PCDHA4: variants seen among roughly 807,000 people sequenced by gnomAD.
The protein encoded by PCDHA4 is protocadherin alpha-4.
Under a neutral mutation model 61.4 loss-of-function variants are expected in PCDHA4, and 49 were observed. The ratio of observed to expected loss-of-function variants is 0.80; its 90% CI spans 0.63 to 1.01. PCDHA4 has a LOEUF of 1.01. Among genes scored for constraint, PCDHA4 ranks in the 50% least tolerant of loss-of-function variants. PCDHA4 has a pLI of 0.00. For missense variants in PCDHA4, 1,254 were observed against 1,235.8 expected, an observed-to-expected ratio of 1.01 and a Z score of -0.22; for synonymous variants, 590 against 550.3, an observed-to-expected ratio of 1.07 and a Z score of -1.01.
At chr5:140,880,084 T>TAGTA (rs2058231039) in intron 1 of PCDHA4, among the ~76,000 whole-genome samples, 1 of 152,208 alleles carries the variant, frequency 6.6e-6, no homozygotes. Context: ...CAACCTATTA[T>TAGTA]AGTAGGCTTA....
At position 141,009,931 on chromosome 5, in the gene PCDHA4, C is replaced by T. The variant is rs2098415407; in HGVS notation, c.2838C>T (p.Asp946=). ...EKGNSTTDNS[D]Q ...GGAACAGCACGACTGACAACAGTGA[C>T]CAGTGAGGTCCTCAAATGGAAACAA... Residue 946 remains aspartate (D), a synonymous_variant, in exon 4 of 4, where the codon GAC becomes GAT. Transcript: ENST00000530339. The T allele has an allele frequency of 6.2e-7, 1 of 1,601,706 alleles. No individual in the cohort carries two copies. The highest frequency in any genetic ancestry group is 8.5e-7 in the Non-Finnish European group (1 of 1,175,864).
chr5:140,829,028 G>T (rs2150162015), intron 1 of PCDHA4: 1 of 1,613,544 alleles, frequency 6.2e-7, no homozygotes, highest in South Asian at 1.1e-5. Flanking sequence ...TTTTGAACAA[G>T]AAAACTTATA....
At chr5:140,869,412 C>T (rs1164802929) in intron 1 of PCDHA4, 3 of 1,614,078 alleles carry the variant, frequency 1.9e-6, no homozygotes, top group Admixed American at 1.7e-5. Flanking sequence ...CGGAGTGCAG[C>T]ATCCACCTGG....
intron 1 of PCDHA4, among the ~76,000 whole-genome samples, chr5:140,932,192 TTC>T (rs2088100364): frequency 6.6e-6 from 1 of 151,968 alleles, no homozygotes. Context: ...GTCCATTTTT[TTC>T]TGTTAATATT....
At chr5:140,976,884 A>T (rs1423993981) in intron 1 of PCDHA4, among the ~76,000 whole-genome samples, 1 of 152,232 alleles carries the variant, frequency 6.6e-6, no homozygotes, top group Non-Finnish European at 1.5e-5. Context: ...AAGAATTAGG[A>T]TACATGCAAC....
At chr5:140,979,922 A>T (rs1317860679) in intron 2 of PCDHA4, among the ~76,000 whole-genome samples, 1 of 152,276 alleles carries the variant, frequency 6.6e-6, no homozygotes, top group Non-Finnish European at 1.5e-5. Flanking sequence ...GAGAAAGCCT[A>T]CAAAGTATGT....
At chr5:140,967,138 G>A in intron 1 of PCDHA4, 1 of 1,611,568 alleles carries the variant, frequency 6.2e-7, no homozygotes, top group Middle Eastern at 1.7e-4. Flanking sequence ...TGGAAGTGCT[G>A]GCGCACAACC....
intron 1 of PCDHA4, chr5:140,928,747 C>T (rs781895762): frequency 2.5e-6 from 4 of 1,614,132 alleles, no homozygotes; most frequent in African/African-American, 2.7e-5. Context: ...AGGTGAGCTC[C>T]GTACTGCTCG....
rs369564705 is a variant in PCDHA4, at chr5:140,807,723, C to G, written c.536C>G (p.Ser179Cys). Residue 179 changes from serine to cysteine, a missense_variant, in exon 1 of 4, where the codon TCT (serine) becomes TGT (cysteine). Coordinates refer to ENST00000530339, the MANE Select transcript of PCDHA4 (RefSeq NM_018907.4). The part of the protein sequence containing the change: ...TYRLSPNEYF[S>C]LEKPPDDELV... ...AGACTGAGCCCAAATGAATACTTTT[C>G]TCTGGAAAAACCACCTGATGACGAG... The G allele has an allele frequency of 9.0e-5, 145 of 1,614,074 alleles. No individual in the cohort carries two copies. The highest frequency in any genetic ancestry group is 1.2e-4 in the Admixed American group (7 of 60,012).
rs148820707 is a variant in PCDHA4, at chr5:140,954,545, G to A, written c.2386-24404G>A. ...AGTGATGTTGAGGTTTTTTTCATAT[G>A]TTTGTTGGCTGCATGACTGTCTTCT... On this transcript the variant is annotated intron_variant, in intron 1 of 3. Coordinates refer to ENST00000530339, the MANE Select transcript of PCDHA4 (RefSeq NM_018907.4). 4.6e-3 allele frequency among the ~76,000 whole-genome samples: 702 copies of A among 152,204 alleles called. 2 individuals are homozygous for A. The highest frequency in any genetic ancestry group is 0.016 in the African/African-American group (679 of 41,554).
chr5:140,825,433 A>G (rs1554130246), intron 1 of PCDHA4: 1 of 147,668 alleles, frequency 6.8e-6, no homozygotes, highest in Non-Finnish European at 1.5e-5. Flanking sequence ...TAATAAATAT[A>G]TAATAATAAT....
At chr5:140,927,793 C>A in intron 1 of PCDHA4, 1 of 1,614,180 alleles carries the variant, frequency 6.2e-7, no homozygotes, top group Non-Finnish European at 8.5e-7. Context: ...TTCACTAGGT[C>A]CGCCTGAAAC....
At chr5:141,004,186 C>T (rs1554259505) in intron 3 of PCDHA4, among the ~76,000 whole-genome samples, 1 of 152,240 alleles carries the variant, frequency 6.6e-6, no homozygotes, top group Non-Finnish European at 1.5e-5. Flanking sequence ...CTTGAGTGCT[C>T]TTAACCAAAA....
At chr5:140,836,501 G>C (rs1554136017) in intron 1 of PCDHA4, 6 of 1,613,866 alleles carry the variant, frequency 3.7e-6, no homozygotes, top group Non-Finnish European at 5.1e-6. Context: ...CCATCTGCGC[G>C]GTGTCCAGTC....
intron 1 of PCDHA4, among the ~76,000 whole-genome samples, chr5:140,887,714 T>C (rs772328025): frequency 6.6e-6 from 1 of 152,220 alleles, no homozygotes; most frequent in Admixed American, 6.5e-5. Flanking sequence ...CTTCTTCTAA[T>C]AGTTTTTTCT....
At chr5:140,829,835 C>T (rs2150175737) in intron 1 of PCDHA4, 4 of 1,613,904 alleles carry the variant, frequency 2.5e-6, no homozygotes, top group Non-Finnish European at 3.4e-6. Flanking sequence ...CGAGCTGGTG[C>T]CGCGGTCACT....
intron 1 of PCDHA4, chr5:140,829,939 C>A (rs1375837368): frequency 6.2e-7 from 1 of 1,613,870 alleles, no homozygotes; most frequent in African/African-American, 1.3e-5. Context: ...CCCCGGCAAG[C>A]AGCGCTCGCT....
intron 1 of PCDHA4, chr5:140,811,534 C>T (rs1764897119): frequency 6.6e-6 from 1 of 151,892 alleles, no homozygotes; most frequent in African/African-American, 2.4e-5. Context: ...AGTAATGGGT[C>T]AAATGGTATT....
At chr5:140,928,406 G>A (rs782285182) in intron 1 of PCDHA4, 1 of 1,614,050 alleles carries the variant, frequency 6.2e-7, no homozygotes, top group South Asian at 1.1e-5. Flanking sequence ...TCATCCAGTG[G>A]GGCCATCACT....
Sources: gnomAD v4.1 joint callset for allele counts (sites outside exome capture counted in the v4.1 genomes callset) on GRCh38, gnomAD v4.1.1 for gene constraint, MANE v1.5 for transcripts, NCBI Gene and HGNC (gene_info 2026-07-23, HGNC 2026-07-21) for gene names.